Variants in DNAH3 observed in about 807,000 individuals in gnomAD.
DNAH3 encodes axonemal beta dynein heavy chain 3.
A neutral mutation model predicts 432.5 loss-of-function variants in DNAH3; 332 were observed. The observed-to-expected ratio is 0.77, with a 90% CI of 0.70 to 0.84. The LOEUF is 0.84. Ranked by LOEUF, DNAH3 falls within the 40% of genes least tolerant of loss-of-function variation. DNAH3 has a pLI of 0.00. For synonymous variants in DNAH3, 1,956 were observed against 1,900.2 expected, an observed-to-expected ratio of 1.03 and a Z score of -0.76; for missense variants, 4,861 against 5,114.0, an observed-to-expected ratio of 0.95 and a Z score of 1.51.
In DNAH3 at chr16:21,036,678, T is replaced by C. The variant is rs770864913; in HGVS notation, c.5085+36A>G. The C allele has an allele frequency of 3.7e-6, 6 of 1,600,166 alleles. No homozygotes were observed. The Admixed American group carries it at 5.2e-5, about 14-fold the overall frequency. ...ACTGTTTGCTGACTTCAGCAAACAG[T>C]AAAACAGGCACATTTATATGGGCTA... On this transcript the variant is annotated intron_variant, in intron 35 of 61. Transcript: ENST00000261383.
chr16:21,002,447 A>G (rs750866134), intron 42 of DNAH3, among the ~76,000 whole-genome samples: 67 of 38,716 alleles, frequency 1.7e-3, no homozygotes, highest in African/African-American at 2.5e-3. Flanking sequence ...TGGTGTTGTT[A>G]TTATTATTAT....
In DNAH3 at chr16:21,136,174, G is replaced by A. The variant is rs568523058; in HGVS notation, c.886+150C>T. ...CATGCCTGTAATCCTAGCACTTTGG[G>A]AGGCTAAGGAGGGAGGATTGCTTGA... On this transcript the variant is annotated intron_variant, in intron 6 of 61. Transcript: ENST00000261383. 5.8e-6 allele frequency: 4 copies of A among 694,648 alleles called. No homozygotes were observed. The African/African-American group carries it at 7.2e-5, about 12-fold the overall frequency. 43.0% of individuals were successfully genotyped at this position (694,648 alleles called of 1,614,324 possible). A position where few individuals can be genotyped will look rare whatever the true frequency, so the allele number is the denominator to read the frequency against.
intron 31 of DNAH3, among the ~76,000 whole-genome samples, chr16:21,048,782 C>T (rs1242049761): frequency 6.6e-6 from 1 of 151,914 alleles, no homozygotes; most frequent in African/African-American, 2.4e-5. Context: ...CAACCTCCGC[C>T]TCCCAGGTTC....
chr16:20,945,841 C>T (rs977964207), intron 57 of DNAH3, among the ~76,000 whole-genome samples: 2 of 152,056 alleles, frequency 1.3e-5, no homozygotes, highest in Non-Finnish European at 2.9e-5. Context: ...AGACTCGCCC[C>T]GAATTCTTTC....
chr16:21,110,501 G>A (rs537492736), intron 14 of DNAH3, among the ~76,000 whole-genome samples: 13 of 152,296 alleles, frequency 8.5e-5, no homozygotes, highest in Non-Finnish European at 1.6e-4. Context: ...TGGAGCCAAC[G>A]TGGAGGAAAG....
intron 7 of DNAH3, chr16:21,130,200 C>T (rs928709710): frequency 2.6e-5 from 4 of 151,694 alleles, no homozygotes; most frequent in Admixed American, 2.0e-4. Flanking sequence ...AGTGACACCT[C>T]CTAGAACTAT....
intron 54 of DNAH3, among the ~76,000 whole-genome samples, chr16:20,956,508 C>A (rs577886670): frequency 1.3e-5 from 2 of 152,200 alleles, no homozygotes; most frequent in African/African-American, 4.8e-5. Flanking sequence ...ATGTTACATG[C>A]CTGGCCCCTA....
chr16:21,106,728 T>A, intron 14 of DNAH3, 54 bp from the exon 15 acceptor site: 1 of 1,337,768 alleles, frequency 7.5e-7, no homozygotes, highest in Non-Finnish European at 9.9e-7. Context: ...ATCATCACCA[T>A]CTAAAATGAC....
chr16:20,994,194 C>A (rs940676919), intron 44 of DNAH3, among the ~76,000 whole-genome samples: 2 of 152,056 alleles, frequency 1.3e-5, no homozygotes, highest in African/African-American at 4.8e-5. Context: ...CTTTGGGAGG[C>A]CGAGGTGGGT....
Position 20,970,007 on chromosome 16 carries a change from G to A in DNAH3, c.8260-17C>T. The A allele has an allele frequency of 2.5e-6, 4 of 1,612,838 alleles. No individual in the cohort carries two copies. In the East Asian group the frequency reaches 8.9e-5, roughly 36 times the overall value. ...ACATTCGTTCTGTGGGCGGCATGAG[G>A]ACAAAGGAGATGAGTGCCCAGGGCC... On this transcript the variant is annotated splice_polypyrimidine_tract_variant and intron_variant, in intron 51 of 61. Transcript: ENST00000261383.
Position 20,987,296 on chromosome 16 carries a change from CT to C in DNAH3, c.7026+8del. 6.2e-7 allele frequency: 1 copy of C among 1,612,810 alleles called. No homozygotes were observed. ...TTCTGAGGTCAAATGATCACAGAAT[CT>C]GGTTTACCTTCTCTATGGTCTGCTT... On this transcript the variant is annotated splice_region_variant and intron_variant, in intron 47 of 61. Transcript: ENST00000261383.
intron 41 of DNAH3, among the ~76,000 whole-genome samples, chr16:21,009,545 G>C (rs2087478205): frequency 2.6e-5 from 4 of 152,150 alleles, no homozygotes; most frequent in Admixed American, 2.0e-4. Flanking sequence ...TGTTGAGCTA[G>C]AGCTAATTTG....
chr16:21,000,871 T>G (rs2086984001), intron 42 of DNAH3, among the ~76,000 whole-genome samples: 1 of 152,226 alleles, frequency 6.6e-6, no homozygotes, highest in South Asian at 2.1e-4. Flanking sequence ...GCTTGTCTGA[T>G]TCCAAAGTCT....
chr16:21,071,710 A>G (rs1207910762), intron 21 of DNAH3, among the ~76,000 whole-genome samples: 4 of 152,090 alleles, frequency 2.6e-5, no homozygotes, highest in Non-Finnish European at 5.9e-5. Context: ...CAACATAGCA[A>G]GACCCCATCT....
At chr16:21,035,645 T>G (rs1295940734) in intron 35 of DNAH3, among the ~76,000 whole-genome samples, 1 of 152,206 alleles carries the variant, frequency 6.6e-6, no homozygotes, top group Non-Finnish European at 1.5e-5. Context: ...TCAATTTTTC[T>G]GCATGTTTAA....
chr16:21,117,523 C>G (rs1249759945), intron 11 of DNAH3, among the ~76,000 whole-genome samples, 184 bp from the exon 12 acceptor site: 2 of 152,162 alleles, frequency 1.3e-5, no homozygotes, highest in African/African-American at 4.8e-5. Flanking sequence ...TCCTTTCCTT[C>G]TTGCCTGGAT....
exon 24 of DNAH3, chr16:21,067,310 A>C: frequency 6.2e-7 from 1 of 1,614,148 alleles, no homozygotes; most frequent in Non-Finnish European, 8.5e-7. Context: ...CTTCTTCTCC[A>C]AGTAATCATT....
At chr16:21,119,259 A>G (rs1272971652) in intron 11 of DNAH3, among the ~76,000 whole-genome samples, 1 of 152,166 alleles carries the variant, frequency 6.6e-6, no homozygotes, top group Non-Finnish European at 1.5e-5. Context: ...ACTTAAGAGG[A>G]TGAAATACCT....
chr16:21,152,927 A>C (rs1430765993), intron 1 of DNAH3, among the ~76,000 whole-genome samples: 3 of 151,878 alleles, frequency 2.0e-5, no homozygotes, highest in African/African-American at 2.4e-5. Flanking sequence ...GACGAGCGCC[A>C]CCCCCTGCTC....
Sources: gnomAD v4.1 joint callset for allele counts (sites outside exome capture counted in the v4.1 genomes callset) on GRCh38, gnomAD v4.1.1 for gene constraint, MANE v1.5 for transcripts, NCBI Gene and HGNC (gene_info 2026-07-23, HGNC 2026-07-21) for gene names.